Variants in VPS13D observed in about 807,000 individuals in gnomAD.
The protein encoded by VPS13D is intermembrane lipid transfer protein VPS13D.
Under a neutral mutation model 461.9 loss-of-function variants are expected in VPS13D, and 187 were observed. The ratio of observed to expected loss-of-function variants is 0.40; its 90% CI spans 0.36 to 0.46. VPS13D has a LOEUF of 0.46. Ranked by LOEUF, VPS13D falls within the 20% of genes least tolerant of loss-of-function variation. The pLI is 0.60. For missense variants in VPS13D, 4,711 were observed against 5,364.9 expected (o/e 0.88, Z 3.81); for synonymous variants, 1,951 against 1,986.3 (o/e 0.98, Z 0.47).
chr1:12,373,845 T>C lies in VPS13D; in HGVS notation c.10904T>C (p.Ile3635Thr). Residue 3635 changes from isoleucine (I) to threonine (T), a missense_variant, in exon 55 of 70, where the codon ATT (isoleucine) becomes ACT (threonine). Around this residue, in one of 3 missense-constraint regions of VPS13D, gnomAD observed 4,411 missense variants for 4,937.8 expected, o/e 0.89. Coordinates refer to ENST00000620676, the MANE Select transcript of VPS13D (RefSeq NM_015378.4). Reference sequence around the variant, plus strand: ...GTCTCACCCAAGACACAAAGAGTCATTTTAAAAAAGAAGGTAAGAGAGCTT... The same window carrying C: ...GTCTCACCCAAGACACAAAGAGTCACTTTAAAAAAGAAGGTAAGAGAGCTT... ...LDVSPKTQRV[I>T]LKKKEPGKRS... The C allele has an allele frequency of 1.2e-6, 2 of 1,604,960 alleles. No individual in the cohort carries two copies. The highest frequency in any genetic ancestry group is 8.5e-7 in the Non-Finnish European group (1 of 1,175,336).
chr1:12,485,763 G>A (rs1274747618), intron 67 of VPS13D, among the ~76,000 whole-genome samples: 3 of 152,158 alleles, frequency 2.0e-5, no homozygotes, highest in African/African-American at 7.2e-5. Flanking sequence ...AAGGGTTGAT[G>A]GACTATGACA....
chr1:12,393,666 C>T (rs1481692773), intron 60 of VPS13D, among the ~76,000 whole-genome samples: 1 of 152,176 alleles, frequency 6.6e-6, no homozygotes, highest in Admixed American at 6.5e-5. Flanking sequence ...CTCCACAATC[C>T]CTCCAGGGAT....
intron 50 of VPS13D, among the ~76,000 whole-genome samples, chr1:12,361,160 G>T (rs1277853342): frequency 6.6e-6 from 1 of 152,128 alleles, no homozygotes; most frequent in African/African-American, 2.4e-5. Flanking sequence ...TGGGGATTCA[G>T]TGTAAAGCCT....
rs1020666894 is a variant in VPS13D at position 12,244,312 on chromosome 1, C to T, written c.242C>T (p.Ser81Phe). ...YRPHVDPWVI[S>F]ISSLHLIGAP... ...CCCCATGTGGACCCTTGGGTGATCT[C>T]CATCTCCAGCCTTCACTTAATTGGA... is the stretch of plus-strand genomic sequence containing the variant. Residue 81 changes from serine (S) to phenylalanine (F), a missense_variant, in exon 4 of 70, where the codon TCC becomes TTC. Physicochemically the swap from Ser to Phe is radical, Grantham distance 155. Coordinates refer to ENST00000620676, the MANE Select transcript of VPS13D (RefSeq NM_015378.4). The T allele has an allele frequency of 1.9e-5, 30 of 1,614,014 alleles. No individual in the cohort carries two copies. Among genetic ancestry groups the T allele is most frequent in the Non-Finnish European group, 2.5e-5 (30 of 1,180,020 alleles).
At position 12,507,354 on chromosome 1, in the gene VPS13D, G is replaced by A; in HGVS notation, c.13035+261G>A. On this transcript the variant is annotated intron_variant, in intron 69 of 69. Coordinates refer to ENST00000620676, the MANE Select transcript of VPS13D (RefSeq NM_015378.4). The surrounding 1 kb of genome is among the most constrained non-coding windows in gnomAD (Gnocchi z 5.3). ...TGTGCCTCAGTTACCCGTAGATGTA[G>A]TGAGGGTAACAATACTTACTCTCGT... 1 of 701,374 alleles carries A rather than the reference G, an allele frequency of 1.4e-6. No individual in the cohort carries two copies. The allele number at this position is 701,374 out of a possible 1,614,324, so 43.4% of individuals were successfully genotyped here.
intron 64 of VPS13D, among the ~76,000 whole-genome samples, chr1:12,415,813 A>G (rs947760366): frequency 5.9e-5 from 9 of 152,144 alleles, no homozygotes; most frequent in African/African-American, 2.4e-5. Context: ...AATTGGTGAT[A>G]TTTCCACCTA....
chr1:12,303,413 A>G (rs903438999), intron 25 of VPS13D, among the ~76,000 whole-genome samples: 6 of 152,238 alleles, frequency 3.9e-5, no homozygotes, highest in African/African-American at 1.4e-4. Context: ...ATTTAAACCA[A>G]CTACAGAGAG....
intron 21 of VPS13D, among the ~76,000 whole-genome samples, chr1:12,285,342 G>C (rs967678535): frequency 6.7e-6 from 1 of 149,310 alleles, no homozygotes; most frequent in Non-Finnish European, 1.5e-5. Context: ...CCAGGCTGGA[G>C]TGCAGTGGCG....
chr1:12,268,955 G>T, intron 16 of VPS13D, 79 bp downstream of exon 16: 1 of 1,504,458 alleles, frequency 6.6e-7, no homozygotes, highest in Non-Finnish European at 8.9e-7. Context: ...CTGGACAAGG[G>T]TTATTCAGAT....
At position 12,369,572 on chromosome 1, in the gene VPS13D, C is replaced by T; in HGVS notation, c.10678C>T (p.Pro3560Ser). The change falls in exon 54 of 70, where the codon CCT becomes TCT. Residue 3560 changes from proline to serine, a missense_variant. Around this residue, in one of 3 missense-constraint regions of VPS13D, gnomAD observed 4,411 missense variants for 4,937.8 expected, o/e 0.89. Coordinates refer to ENST00000620676, the MANE Select transcript of VPS13D (RefSeq NM_015378.4). ...TGCCTGGGACGAACCCACCTTGCCA[C>T]CTTTTATCACTCTGACTGTTAAAGG... ...DYAWDEPTLPPFITLTVKGAG... is the reference protein window; with the variant it reads ...DYAWDEPTLPSFITLTVKGAG... 3 of 1,614,198 alleles carry T rather than the reference C, an allele frequency of 1.9e-6. No homozygotes were observed. Among genetic ancestry groups the T allele is most frequent in the African/African-American group, 2.7e-5 (2 of 75,058 alleles).
Position 12,417,191 on chromosome 1 carries a change from C to T in VPS13D, c.12333+364C>T, listed in dbSNP as rs540114322. ...TGCCATTCTCCTGCCTGAGATCTAC[C>T]AGTTATTGCCCACAGTTTACAGGGA... On this transcript the variant is annotated intron_variant, in intron 65 of 69. Coordinates refer to ENST00000620676, the MANE Select transcript of VPS13D (RefSeq NM_015378.4). Among the ~76,000 whole-genome samples the T allele has an allele frequency of 2.6e-5, 4 of 152,254 alleles. No homozygotes were observed. The South Asian group carries it at 8.3e-4, about 32-fold the overall frequency.
At chr1:12,286,895 C>T (rs779313215) in intron 21 of VPS13D, among the ~76,000 whole-genome samples, 1 of 152,152 alleles carries the variant, frequency 6.6e-6, no homozygotes, top group African/African-American at 2.4e-5. Flanking sequence ...GGGTCTTGCC[C>T]TATCACCCAG....
At chr1:12,240,536 A>G (rs1640312925) in intron 2 of VPS13D, among the ~76,000 whole-genome samples, 2 of 141,336 alleles carry the variant, frequency 1.4e-5, no homozygotes, top group Admixed American at 1.5e-4. Context: ...CGGAGTTTGC[A>G]GTGAGCCGAG....
chr1:12,312,700 A>G (rs1642788229), intron 29 of VPS13D, among the ~76,000 whole-genome samples: 1 of 152,228 alleles, frequency 6.6e-6, no homozygotes, highest in Non-Finnish European at 1.5e-5. Context: ...TTGAGGCTGC[A>G]GTGAGCCATG....
intron 60 of VPS13D, among the ~76,000 whole-genome samples, chr1:12,389,860 T>C (rs1644400405): frequency 6.6e-6 from 1 of 152,226 alleles, no homozygotes; most frequent in Non-Finnish European, 1.5e-5. Context: ...TCACAGGGCA[T>C]GGTAATCCTA....
intron 49 of VPS13D, among the ~76,000 whole-genome samples, chr1:12,357,270 G>A (rs1643893873): frequency 5.9e-5 from 9 of 152,222 alleles, no homozygotes; most frequent in Admixed American, 3.9e-4. Flanking sequence ...AGTGGGTACT[G>A]ATGTGTTTAC....
chr1:12,301,263 G>A (rs1282135173), intron 25 of VPS13D, among the ~76,000 whole-genome samples: 2 of 152,124 alleles, frequency 1.3e-5, no homozygotes, highest in Non-Finnish European at 2.9e-5. Flanking sequence ...TAACCACTTG[G>A]AGTTAGCTTA....
At chr1:12,477,290 C>A (rs1645645182) in intron 67 of VPS13D, among the ~76,000 whole-genome samples, 1 of 152,104 alleles carries the variant, frequency 6.6e-6, no homozygotes, top group South Asian at 2.1e-4. Flanking sequence ...CTCTTTCTTT[C>A]TCTATTTTGC....
chr1:12,369,757 AGGTTTTAAAT>A, intron 54 of VPS13D, 55 bp downstream of exon 54: 1 of 1,540,074 alleles, frequency 6.5e-7, no homozygotes, highest in South Asian at 1.2e-5. Flanking sequence ...AATTATTAAC[AGGTTTTAAAT>A]GTTAAGCAGT....
Sources: allele counts gnomAD v4.1 joint callset (sites outside exome capture counted in the v4.1 genomes callset), GRCh38; gene constraint gnomAD v4.1.1; regional missense constraint gnomAD v4.1.1; non-coding constraint Gnocchi (gnomAD v3.1); transcripts MANE v1.5; gene names NCBI Gene and HGNC (gene_info 2026-07-23, HGNC 2026-07-21).